Variants in PLXNA1 observed in about 807,000 individuals in gnomAD.
The protein encoded by PLXNA1 is plexin-A1.
A neutral mutation model predicts 191.7 loss-of-function variants in PLXNA1; 77 were observed. The ratio of observed to expected loss-of-function variants is 0.40; its 90% CI spans 0.33 to 0.49. The LOEUF is 0.49. PLXNA1 is among the 20% of genes least tolerant of loss of function. PLXNA1 has a pLI of 0.63. For synonymous variants in PLXNA1, 1,137 were observed against 1,156.4 expected (o/e 0.98, Z 0.34); for missense variants, 2,110 against 2,660.2 (o/e 0.79, Z 4.55).
intron 23 of PLXNA1, among the ~76,000 whole-genome samples, chr3:127,024,557 C>T (rs918564990): frequency 9.2e-5 from 14 of 152,062 alleles, no homozygotes. Flanking sequence ...ACAAGGGGTG[C>T]GGGCTGTGTG....
At position 126,987,149 on chromosome 3, in the gene PLXNA1, A is replaced by G. The variant is rs185113001; in HGVS notation, c.-73-1372A>G. 1.1e-3 allele frequency among the ~76,000 whole-genome samples: 161 copies of G among 152,334 alleles called. 2 individuals carry two copies. The highest frequency in any genetic ancestry group is 0.01 in the Admixed American group (159 of 15,308). On this transcript the variant is annotated intron_variant, in intron 1 of 31. Coordinates refer to ENST00000393409, the MANE Select transcript of PLXNA1 (RefSeq NM_032242.4). ...CCCTTTCCTCTTTCATCCATGAGAAAAGAGCTTTCATGCCCCTTTTGCAAA... is the reference window on the plus strand; with the variant it reads ...CCCTTTCCTCTTTCATCCATGAGAAGAGAGCTTTCATGCCCCTTTTGCAAA...
At chr3:126,992,856 C>T (rs924819733) in intron 3 of PLXNA1, among the ~76,000 whole-genome samples, 4 of 152,160 alleles carry the variant, frequency 2.6e-5, no homozygotes, top group Admixed American at 6.5e-5. Flanking sequence ...AGGCCCCTCC[C>T]GTCCTCTCAG....
Position 126,989,373 on chromosome 3 carries a change from G to A in PLXNA1, c.780G>A (p.Thr260=), listed in dbSNP as rs778434216. 20 of 1,613,460 alleles carry A rather than the reference G, an allele frequency of 1.2e-5. No individual in the cohort carries two copies. The East Asian group carries it at 3.1e-4, about 25-fold the overall frequency. ...GCGAGCAGTTTGTCTACTACCTCAC[G>A]CTGCAGCTAGACACACAGCTGACCT... ...FRSEQFVYYL[T]LQLDTQLTSP... The change falls in exon 2 of 32, where the codon ACG becomes ACA. Residue 260 remains threonine (T), a synonymous_variant. Coordinates refer to ENST00000393409, the MANE Select transcript of PLXNA1 (RefSeq NM_032242.4).
At position 126,989,732 on chromosome 3, in the gene PLXNA1, A is replaced by G; in HGVS notation, c.1139A>G (p.Glu380Gly). ...KERIQSCYRG[E>G]GKLSLPWLLN... ...CGCATCCAGTCCTGCTACCGTGGTG[A>G]GGGCAAGCTCTCCCTGCCGTGGCTG... The change falls in exon 2 of 32, where the codon GAG becomes GGG. Residue 380 changes from glutamate (E) to glycine (G), a missense_variant. This residue lies in a region of PLXNA1 where 903 missense variants were observed against 1,015.7 expected (regional missense o/e 0.89). Transcript: ENST00000393409. 1 of 1,612,986 alleles carries G rather than the reference A, an allele frequency of 6.2e-7. No homozygotes were observed. Among genetic ancestry groups the G allele is most frequent in the East Asian group, 2.2e-5 (1 of 44,878 alleles).
Position 126,989,552 on chromosome 3 carries a change from C to G in PLXNA1, c.959C>G (p.Pro320Arg). The G allele has an allele frequency of 6.2e-7, 1 of 1,613,190 alleles. No individual in the cohort carries two copies. ...RLVQDAYLSR[P>R]GRALAHQLGL... is the part of the protein sequence containing the mutation. ...GTGCAGGATGCCTACCTGAGCCGGC[C>G]CGGCCGTGCCCTGGCCCACCAGCTG... The change falls in exon 2 of 32, where the codon CCC (proline) becomes CGC (arginine). Residue 320 changes from proline to arginine, a missense_variant. Pro to Arg is a moderately radical substitution (Grantham distance 103). Around this residue, in one of 4 missense-constraint regions of PLXNA1, gnomAD observed 903 missense variants for 1,015.7 expected, o/e 0.89. Transcript: ENST00000393409.
chr3:127,029,188 CAGCAGCTGGAT>C (rs2107638029), intron 26 of PLXNA1, 92 bp downstream of exon 26: 2 of 1,046,102 alleles, frequency 1.9e-6, no homozygotes, highest in Non-Finnish European at 2.9e-6. Flanking sequence ...GTGGGCTGGA[CAGCAGCTGGAT>C]CTGTCAGGGA....
intron 1 of PLXNA1, among the ~76,000 whole-genome samples, chr3:126,984,266 C>T (rs1215543274): frequency 6.6e-6 from 1 of 152,180 alleles, no homozygotes; most frequent in Non-Finnish European, 1.5e-5. Flanking sequence ...GTGTGGGGTT[C>T]TGGGGCCACG....
At position 127,017,580 on chromosome 3, in the gene PLXNA1, C is replaced by T. The variant is rs1163985094; in HGVS notation, c.3432C>T (p.Phe1144=). The change falls in exon 18 of 32, where the codon TTC becomes TTT. Residue 1144 remains phenylalanine, a synonymous_variant. Coordinates refer to ENST00000393409, the MANE Select transcript of PLXNA1 (RefSeq NM_032242.4). ...RSLLVLNSTS[F]LYYPDPVLEP... is the part of the protein sequence containing the mutation. ...TGCTTGTGCTCAACTCCACCTCCTT[C>T]CTCTACTACCCTGACCCCGTACTGG... 1 of 1,613,786 alleles carries T rather than the reference C, an allele frequency of 6.2e-7. No homozygotes were observed. The highest frequency in any genetic ancestry group is 8.5e-7 in the Non-Finnish European group (1 of 1,180,032).
chr3:127,028,288 C>G lies in PLXNA1; in HGVS notation c.4617C>G (p.Ala1539=). 6.2e-7 allele frequency: 1 copy of G among 1,612,740 alleles called. No individual in the cohort carries two copies. Among genetic ancestry groups the G allele is most frequent in the Non-Finnish European group, 8.5e-7 (1 of 1,179,978 alleles). The part of the protein sequence containing the change: ...TQAKEKLLDA[A]YKGVPYSQRP... ...CCAAGGAGAAGCTGCTGGACGCTGC[C>G]TACAAGGGCGTGCCCTACTCCCAGC... The change falls in exon 25 of 32, where the codon GCC becomes GCG. Residue 1539 remains alanine, a synonymous_variant. Coordinates refer to ENST00000393409, the MANE Select transcript of PLXNA1 (RefSeq NM_032242.4).
In PLXNA1 at chr3:126,988,937, A is replaced by G. The variant is rs768094739; in HGVS notation, c.344A>G (p.Asn115Ser). 3.7e-6 allele frequency: 6 copies of G among 1,613,206 alleles called. No individual in the cohort carries two copies. Among genetic ancestry groups the G allele is most frequent in the Admixed American group, 1.7e-5 (1 of 60,032 alleles). The part of the protein sequence containing the change: ...PHGLGSTDNV[N>S]KLLLLDYAAN... The stretch of plus-strand genomic sequence containing the variant: ...GGCCTGGGCAGTACTGACAACGTCA[A>G]CAAGCTGCTGCTGCTGGACTATGCC... The change falls in exon 2 of 32, where the codon AAC becomes AGC. Residue 115 changes from asparagine to serine, a missense_variant. Around this residue, in one of 4 missense-constraint regions of PLXNA1, gnomAD observed 903 missense variants for 1,015.7 expected, o/e 0.89. Coordinates refer to ENST00000393409, the MANE Select transcript of PLXNA1 (RefSeq NM_032242.4).
At chr3:127,004,234 T>C (rs1015312871) in intron 4 of PLXNA1, among the ~76,000 whole-genome samples, 1 of 152,236 alleles carries the variant, frequency 6.6e-6, no homozygotes, top group Admixed American at 6.5e-5. Context: ...CCTGCCCCTC[T>C]GAGCATTGTC....
intron 27 of PLXNA1, 147 bp downstream of exon 27, chr3:127,029,683 C>G: frequency 9.2e-7 from 1 of 1,092,690 alleles, no homozygotes; most frequent in East Asian, 2.6e-5. Context: ...GCCTTACCCT[C>G]CAGCTCTGGA....
chr3:127,030,502 C>G (rs1576692915), intron 29 of PLXNA1, 90 bp downstream of exon 29: 3 of 1,474,004 alleles, frequency 2.0e-6, no homozygotes, highest in African/African-American at 2.8e-5. Flanking sequence ...CCGGAGCCCC[C>G]ACTTGGGGCT....
At position 127,022,259 on chromosome 3, in the gene PLXNA1, A is replaced by G; in HGVS notation, c.4213A>G (p.Thr1405Ala). Residue 1405 changes from threonine (T) to alanine (A), a missense_variant, in exon 22 of 32, where the codon ACA becomes GCA. Thr to Ala is a moderately conservative substitution (Grantham distance 58). Coordinates refer to ENST00000393409, the MANE Select transcript of PLXNA1 (RefSeq NM_032242.4). Reference sequence around the variant, plus strand: ...CCTGCAGGGCGAGATGGAATACGCCACAGGCGTGCTCAAGCAGCTGCTTTC... The same window carrying G: ...CCTGCAGGGCGAGATGGAATACGCCGCAGGCGTGCTCAAGCAGCTGCTTTC... ...TALQGEMEYA[T>A]GVLKQLLSDL... The G allele has an allele frequency of 6.2e-7, 1 of 1,613,558 alleles. No individual in the cohort carries two copies. The highest frequency in any genetic ancestry group is 8.5e-7 in the Non-Finnish European group (1 of 1,179,980).
At chr3:126,994,351 A>C (rs1008706949) in intron 3 of PLXNA1, among the ~76,000 whole-genome samples, 1 of 152,032 alleles carries the variant, frequency 6.6e-6, no homozygotes, top group Non-Finnish European at 1.5e-5. Flanking sequence ...CCTGGCTGGG[A>C]GTGCTGCTGC....
At chr3:127,026,135 G>T (rs532129736) in intron 23 of PLXNA1, among the ~76,000 whole-genome samples, 1 of 152,338 alleles carries the variant, frequency 6.6e-6, no homozygotes, top group Admixed American at 6.5e-5. Context: ...CCCCGTCACT[G>T]CACGAGAGAT....
intron 22 of PLXNA1, 71 bp downstream of exon 22, chr3:127,022,412 A>G: frequency 6.4e-7 from 1 of 1,551,174 alleles, no homozygotes; most frequent in Non-Finnish European, 8.7e-7. Context: ...TTGGTCTAGC[A>G]GGCCCAGAGA....
chr3:126,987,704 C>A (rs1302186617), intron 1 of PLXNA1, among the ~76,000 whole-genome samples: 1 of 152,012 alleles, frequency 6.6e-6, no homozygotes, highest in Non-Finnish European at 1.5e-5. Context: ...GGGAGCAGGA[C>A]TGGTGGCTTG....
intron 1 of PLXNA1, among the ~76,000 whole-genome samples, chr3:126,985,142 A>G (rs953974728): frequency 6.6e-6 from 1 of 151,928 alleles, no homozygotes; most frequent in Non-Finnish European, 1.5e-5. Flanking sequence ...CCTTGTGGGG[A>G]GGGCTTTGGG....
Sources: allele counts gnomAD v4.1 joint callset (sites outside exome capture counted in the v4.1 genomes callset), GRCh38; gene constraint gnomAD v4.1.1; regional missense constraint gnomAD v4.1.1; transcripts MANE v1.5; gene names NCBI Gene and HGNC (gene_info 2026-07-23, HGNC 2026-07-21).